The following TENM3 variants were observed in gnomAD, a reference collection of about 807,000 sequenced individuals.
TENM3 encodes the protein teneurin transmembrane protein 3.
Under a neutral mutation model 255.1 loss-of-function variants are expected in TENM3, and 63 were observed. The ratio of observed to expected loss-of-function variants is 0.25; its 90% CI spans 0.20 to 0.30. The LOEUF (loss-of-function observed/expected upper bound fraction) is 0.30, where lower values mean the gene tolerates loss of function less well. Among genes scored for constraint, TENM3 ranks in the 10% least tolerant of loss-of-function variants. The probability of loss-of-function intolerance (pLI) is 1.00; values close to 1 mark genes in which losing one functional copy is unlikely to be tolerated. For missense variants in TENM3, 2,929 were observed against 3,461.1 expected (o/e 0.85, Z 3.86); for synonymous variants, 1,306 against 1,322.3 (o/e 0.99, Z 0.27).
At chr4:182,509,774 C>G (rs888474376) in intron 3 of TENM3, among the ~76,000 whole-genome samples, 2 of 151,916 alleles carry the variant, frequency 1.3e-5, no homozygotes, top group Non-Finnish European at 2.9e-5. Flanking sequence ...CCCATCTCTA[C>G]TAAAAATACA....
the TENM3 span, among the ~76,000 whole-genome samples, chr4:181,804,946 A>G: frequency 2.0e-5 from 3 of 151,852 alleles, no homozygotes; most frequent in Non-Finnish European, 4.4e-5. Context: ...TCCCTGCCTC[A>G]CTCTGCTGGA....
chr4:182,613,808 T>C (rs1749228241), intron 4 of TENM3, among the ~76,000 whole-genome samples: 1 of 152,224 alleles, frequency 6.6e-6, no homozygotes, highest in African/African-American at 2.4e-5. Context: ...TTATGTAAAA[T>C]AGTAAAACCA....
chr4:182,357,700 G>A (rs1765656885), intron 3 of TENM3, among the ~76,000 whole-genome samples: 1 of 150,430 alleles, frequency 6.6e-6, no homozygotes, highest in Non-Finnish European at 1.5e-5. Context: ...TTCTTTTGCT[G>A]TGCAGAAGCT....
chr4:182,101,242 A>G, the TENM3 span, among the ~76,000 whole-genome samples: 1 of 53,732 alleles, frequency 1.9e-5, no homozygotes, highest in African/African-American at 5.4e-5. Flanking sequence ...GAGGAAGGAA[A>G]GAAGGGAGGG....
chr4:182,693,366 T>C (rs1260858698), intron 12 of TENM3, among the ~76,000 whole-genome samples: 1 of 151,898 alleles, frequency 6.6e-6, no homozygotes, highest in African/African-American at 2.4e-5. Flanking sequence ...AGATAGAATC[T>C]CACTCTGTCG....
At chr4:182,580,830 C>A (rs1745419295) in intron 3 of TENM3, among the ~76,000 whole-genome samples, 1 of 152,152 alleles carries the variant, frequency 6.6e-6, no homozygotes, top group African/African-American at 2.4e-5. Flanking sequence ...TCTACGATCA[C>A]TTGTCATTTT....
At chr4:182,353,679 T>G (rs947983358) in intron 3 of TENM3, among the ~76,000 whole-genome samples, 2 of 152,182 alleles carry the variant, frequency 1.3e-5, no homozygotes, top group Non-Finnish European at 2.9e-5. Context: ...TAAGTTATGA[T>G]TTAACTGGCT....
chr4:182,628,400 A>G (rs1751036711), intron 4 of TENM3, among the ~76,000 whole-genome samples: 1 of 152,198 alleles, frequency 6.6e-6, no homozygotes, highest in Non-Finnish European at 1.5e-5. Flanking sequence ...GTGATCATTT[A>G]TGATCATTTA....
chr4:181,673,318 T>C, the TENM3 span, among the ~76,000 whole-genome samples: 1 of 152,214 alleles, frequency 6.6e-6, no homozygotes, highest in Non-Finnish European at 1.5e-5. Flanking sequence ...ATGGACTTTT[T>C]TCTGTTTAGC....
intron 2 of TENM3, among the ~76,000 whole-genome samples, chr4:182,336,585 G>A (rs1413415637): frequency 6.6e-6 from 1 of 152,188 alleles, no homozygotes; most frequent in East Asian, 1.9e-4. Context: ...TCTACCCTTT[G>A]GGGGTTGGAG....
At chr4:181,992,954 A>T in the TENM3 span, among the ~76,000 whole-genome samples, 1 of 152,184 alleles carries the variant, frequency 6.6e-6, no homozygotes, top group Non-Finnish European at 1.5e-5. Flanking sequence ...TCTATAAATT[A>T]GTACTACTGT....
At chr4:182,280,055 A>G (rs983224578) in intron 1 of TENM3, among the ~76,000 whole-genome samples, 6 of 152,170 alleles carry the variant, frequency 3.9e-5, no homozygotes, top group African/African-American at 1.4e-4. Context: ...ACATTTTCTC[A>G]GAGATTGGAG....
chr4:182,787,353 T>A (rs80132958), intron 24 of TENM3, among the ~76,000 whole-genome samples: 2,611 of 152,210 alleles, frequency 0.017, 77 homozygotes, highest in African/African-American at 0.06. Context: ...CTTGGGTTCC[T>A]CCCCCAACCA....
the TENM3 span, among the ~76,000 whole-genome samples, chr4:182,132,982 G>A: frequency 1.3e-5 from 2 of 152,200 alleles, no homozygotes; most frequent in East Asian, 1.9e-4. Context: ...ATGCTATGTG[G>A]TGGGCACGTT....
At chr4:181,964,230 A>C in the TENM3 span, among the ~76,000 whole-genome samples, 1 of 152,110 alleles carries the variant, frequency 6.6e-6, no homozygotes. Flanking sequence ...CATTTGCTCC[A>C]ATTGCACCTA....
chr4:181,478,471 A>G, the TENM3 span, among the ~76,000 whole-genome samples: 1 of 152,196 alleles, frequency 6.6e-6, no homozygotes, highest in African/African-American at 2.4e-5. Context: ...GTTGGCCAAC[A>G]ACAGGGATCA....
At chr4:182,712,407 G>C (rs1263233146) in intron 12 of TENM3, among the ~76,000 whole-genome samples, 1 of 150,646 alleles carries the variant, frequency 6.6e-6, no homozygotes, top group Non-Finnish European at 1.5e-5. Flanking sequence ...TGTCAGTGGG[G>C]CAATTCAACC....
the TENM3 span, among the ~76,000 whole-genome samples, chr4:181,735,118 T>G: frequency 6.6e-6 from 1 of 152,026 alleles, no homozygotes; most frequent in East Asian, 1.9e-4. Context: ...AAATATAGAT[T>G]TATTCTACTA....
At chr4:182,315,035 CA>C (rs1762672060) in intron 1 of TENM3, among the ~76,000 whole-genome samples, 1 of 152,172 alleles carries the variant, frequency 6.6e-6, no homozygotes, top group African/African-American at 2.4e-5. Context: ...GGTCACTTCA[CA>C]TACCTTGTAA....
Sources: gnomAD v4.1 joint callset for allele counts (sites outside exome capture counted in the v4.1 genomes callset) on GRCh38, gnomAD v4.1.1 for gene constraint, MANE v1.5 for transcripts, NCBI Gene and HGNC (gene_info 2026-07-23, HGNC 2026-07-21) for gene names.